PCSK2: variants seen among roughly 807,000 people sequenced by gnomAD.
PCSK2 encodes the protein neuroendocrine convertase 2.
PCSK2 carries 14 observed loss-of-function variants against 69.7 expected under a neutral mutation model. The observed-to-expected ratio is 0.20, with a 90% CI of 0.13 to 0.31. PCSK2 has a LOEUF of 0.31. PCSK2 is among the 10% of genes least tolerant of loss of function. The probability of loss-of-function intolerance (pLI) is 1.00; values close to 1 mark genes in which losing one functional copy is unlikely to be tolerated. For missense variants in PCSK2, 544 were observed against 842.5 expected, an observed-to-expected ratio of 0.65 and a Z score of 4.39; for synonymous variants, 307 against 320.7, an observed-to-expected ratio of 0.96 and a Z score of 0.46.
At chr20:17,345,709 T>C (rs558136296) in intron 2 of PCSK2, among the ~76,000 whole-genome samples, 1 of 152,274 alleles carries the variant, frequency 6.6e-6, no homozygotes, top group Admixed American at 6.5e-5. Context: ...CCAAACCCAG[T>C]TCTTTCTTAC....
chr20:17,407,608 G>A (rs1329792355), intron 5 of PCSK2, among the ~76,000 whole-genome samples: 1 of 152,126 alleles, frequency 6.6e-6, no homozygotes, highest in Non-Finnish European at 1.5e-5. Context: ...ATATCGCATG[G>A]GAAGTCAGTG....
At chr20:17,395,901 T>C (rs933319161) in intron 5 of PCSK2, among the ~76,000 whole-genome samples, 1 of 152,128 alleles carries the variant, frequency 6.6e-6, no homozygotes, top group Admixed American at 6.5e-5. Context: ...GAGAAGCAGG[T>C]GATACTGAAG....
chr20:17,399,539 A>G (rs1285554920), intron 5 of PCSK2, among the ~76,000 whole-genome samples: 6 of 152,222 alleles, frequency 3.9e-5, no homozygotes, highest in East Asian at 1.9e-4. Flanking sequence ...CTGCCTGCCA[A>G]TGCTTGCCTC....
intron 2 of PCSK2, among the ~76,000 whole-genome samples, chr20:17,274,129 C>G (rs1354924919): frequency 6.6e-6 from 1 of 152,084 alleles, no homozygotes; most frequent in Non-Finnish European, 1.5e-5. Flanking sequence ...TTATTCAAAA[C>G]AACAATAAAC....
chr20:17,264,287 T>C (rs959556815), intron 2 of PCSK2, among the ~76,000 whole-genome samples: 3 of 152,210 alleles, frequency 2.0e-5, no homozygotes, highest in Admixed American at 1.3e-4. Flanking sequence ...TATTTGAGAA[T>C]TAAAAACATT....
intron 11 of PCSK2, among the ~76,000 whole-genome samples, chr20:17,471,868 C>A (rs370243676): frequency 1.3e-5 from 2 of 152,346 alleles, no homozygotes; most frequent in South Asian, 2.1e-4. Flanking sequence ...GAATCAACAG[C>A]CGTGGCAATC....
chr20:17,446,056 T>C (rs1171332683), intron 8 of PCSK2, among the ~76,000 whole-genome samples: 4 of 152,328 alleles, frequency 2.6e-5, no homozygotes, highest in East Asian at 1.9e-4. Flanking sequence ...ATTAGTAGCG[T>C]TGGCCCACCT....
chr20:17,232,479 T>C (rs1340686919), intron 1 of PCSK2, among the ~76,000 whole-genome samples: 1 of 152,248 alleles, frequency 6.6e-6, no homozygotes, highest in African/African-American at 2.4e-5. Flanking sequence ...GGATATCCTC[T>C]TTTAAACACA....
intron 2 of PCSK2, among the ~76,000 whole-genome samples, chr20:17,296,604 T>C (rs1255071296): frequency 6.6e-6 from 1 of 152,214 alleles, no homozygotes; most frequent in Non-Finnish European, 1.5e-5. Context: ...TCCCTTCAGT[T>C]ATTTCAGCAG....
At chr20:17,450,118 CCTG>C (rs1448857880) in intron 8 of PCSK2, among the ~76,000 whole-genome samples, 3 of 135,642 alleles carry the variant, frequency 2.2e-5, no homozygotes, top group Non-Finnish European at 3.1e-5. Context: ...GGCTCCGCCC[CCTG>C]GGGTTCACGC....
At chr20:17,229,441 G>T (rs1226850502) in intron 1 of PCSK2, among the ~76,000 whole-genome samples, 1 of 149,058 alleles carries the variant, frequency 6.7e-6, no homozygotes, top group East Asian at 2.1e-4. Context: ...GGGTGCGGGG[G>T]AGTGGGAGGG....
chr20:17,295,567 T>A (rs898136486), intron 2 of PCSK2, among the ~76,000 whole-genome samples: 10 of 148,698 alleles, frequency 6.7e-5, no homozygotes, highest in African/African-American at 2.4e-4. Context: ...TTTATTTATT[T>A]ATTATTTATT....
At chr20:17,473,788 C>T (rs562947835) in intron 11 of PCSK2, among the ~76,000 whole-genome samples, 13 of 152,248 alleles carry the variant, frequency 8.5e-5, no homozygotes, top group South Asian at 2.1e-4. Flanking sequence ...CTACCAAGTT[C>T]GCTGCCTCTG....
At chr20:17,311,676 C>T (rs986777348) in intron 2 of PCSK2, among the ~76,000 whole-genome samples, 12 of 152,156 alleles carry the variant, frequency 7.9e-5, no homozygotes, top group African/African-American at 2.9e-4. Flanking sequence ...CAAGAACCTA[C>T]ATCTTGTGAT....
At chr20:17,234,899 G>T (rs1206315347) in intron 1 of PCSK2, among the ~76,000 whole-genome samples, 1 of 152,252 alleles carries the variant, frequency 6.6e-6, no homozygotes, top group East Asian at 1.9e-4. Flanking sequence ...AAGAAACTCT[G>T]TGCTGAATTT....
At chr20:17,380,656 C>T (rs192426485) in intron 5 of PCSK2, among the ~76,000 whole-genome samples, 8 of 152,268 alleles carry the variant, frequency 5.3e-5, no homozygotes, top group African/African-American at 1.4e-4. Context: ...AATAAGCATT[C>T]GATGTTGTTA....
intron 2 of PCSK2, among the ~76,000 whole-genome samples, chr20:17,285,826 G>A (rs1224999097): frequency 2.0e-5 from 3 of 152,090 alleles, no homozygotes; most frequent in African/African-American, 4.8e-5. Context: ...CTTCATCCAG[G>A]CCCCAGCACA....
At chr20:17,329,214 C>T (rs559774377) in intron 2 of PCSK2, among the ~76,000 whole-genome samples, 47 of 152,264 alleles carry the variant, frequency 3.1e-4, no homozygotes, top group African/African-American at 1.1e-3. Flanking sequence ...AATTTAATGA[C>T]TCGAGGGTTT....
At chr20:17,402,901 G>A (rs1363275338) in intron 5 of PCSK2, among the ~76,000 whole-genome samples, 1 of 150,660 alleles carries the variant, frequency 6.6e-6, no homozygotes, top group Admixed American at 6.6e-5. Flanking sequence ...AGCTTGCAGT[G>A]AGCCAAGATC....
Sources: gnomAD v4.1 joint callset for allele counts (sites outside exome capture counted in the v4.1 genomes callset) on GRCh38, gnomAD v4.1.1 for gene constraint, MANE v1.5 for transcripts, NCBI Gene and HGNC (gene_info 2026-07-23, HGNC 2026-07-21) for gene names.